FLT1: variants seen among roughly 807,000 people sequenced by gnomAD.
FLT1 encodes the protein fms related receptor tyrosine kinase 1.
In FLT1, 49 loss-of-function variants were observed where a neutral mutation model predicts 156.3. The ratio of observed to expected loss-of-function variants is 0.31; its 90% confidence interval spans 0.25 to 0.40. The LOEUF is 0.40. Ranked by LOEUF, FLT1 falls within the 10% of genes least tolerant of loss-of-function variation. FLT1 has a pLI of 1.00. For synonymous variants in FLT1, 594 were observed against 583.8 expected, an observed-to-expected ratio of 1.02 and a Z score of -0.25; for missense variants, 1,322 against 1,637.2, an observed-to-expected ratio of 0.81 and a Z score of 3.32.
At chr13:28,353,598 T>TTA (rs1289912400) in intron 15 of FLT1, among the ~76,000 whole-genome samples, 1 of 152,060 alleles carries the variant, frequency 6.6e-6, no homozygotes, top group African/African-American at 2.4e-5. Flanking sequence ...AAGAATGTTT[T>TTA]TATATATATT....
chr13:28,329,534 G>C, intron 19 of FLT1, 81 bp downstream of exon 19: 2 of 997,626 alleles, frequency 2.0e-6, no homozygotes, highest in Non-Finnish European at 3.2e-6. Context: ...ACAGTGCGGG[G>C]GAGAAGGAGC....
intron 20 of FLT1, among the ~76,000 whole-genome samples, chr13:28,324,614 T>C (rs558851581): frequency 6.6e-6 from 1 of 152,376 alleles, no homozygotes; most frequent in South Asian, 2.1e-4. Flanking sequence ...GTTTCCACAA[T>C]GCAGTTATAT....
At chr13:28,311,768 T>C (rs1871014166) in intron 26 of FLT1, 36 bp from the exon 27 acceptor site, 1 of 1,610,934 alleles carries the variant, frequency 6.2e-7, no homozygotes, top group South Asian at 1.1e-5. Context: ...GTTGCACCAA[T>C]TCTGACTTCA....
At chr13:28,395,510 G>C (rs1333710341) in intron 12 of FLT1, among the ~76,000 whole-genome samples, 1 of 152,176 alleles carries the variant, frequency 6.6e-6, no homozygotes, top group Non-Finnish European at 1.5e-5. Flanking sequence ...AACTGAAGCA[G>C]TGTAATATTT....
chr13:28,473,804 AAG>A (rs757606878), intron 1 of FLT1, among the ~76,000 whole-genome samples: 14 of 133,866 alleles, frequency 1.0e-4, no homozygotes, highest in Admixed American at 3.8e-4. Context: ...GAAAGAAAGA[AAG>A]AAAGAAAGAA....
intron 9 of FLT1, among the ~76,000 whole-genome samples, 158 bp downstream of exon 9, chr13:28,427,594 C>T (rs965727957): frequency 2.6e-5 from 4 of 152,022 alleles, no homozygotes; most frequent in African/African-American, 7.2e-5. Context: ...CAAACAAACA[C>T]GAGATTGTTA....
At chr13:28,387,863 A>C in intron 13 of FLT1, 1 of 1,059,372 alleles carries the variant, frequency 9.4e-7, no homozygotes, top group African/African-American at 1.6e-5. Flanking sequence ...AACAACTAAT[A>C]CTCTATGGAA....
At chr13:28,385,829 C>A in intron 13 of FLT1, 1 of 1,051,254 alleles carries the variant, frequency 9.5e-7, no homozygotes, top group Non-Finnish European at 1.1e-6. Context: ...ATAAGAACAG[C>A]AGTACCCCCA....
chr13:28,377,730 A>G (rs1873898555), intron 14 of FLT1, among the ~76,000 whole-genome samples: 1 of 152,202 alleles, frequency 6.6e-6, no homozygotes, highest in Non-Finnish European at 1.5e-5. Context: ...GACCTTTACA[A>G]CTTAAAAGTA....
intron 14 of FLT1, among the ~76,000 whole-genome samples, chr13:28,382,870 G>C (rs1293434059): frequency 6.6e-6 from 1 of 152,068 alleles, no homozygotes; most frequent in Non-Finnish European, 1.5e-5. Context: ...TGAGTGTAAG[G>C]TCTCTCTAAG....
chr13:28,364,010 G>T (rs1348611603), intron 14 of FLT1, among the ~76,000 whole-genome samples: 4 of 151,978 alleles, frequency 2.6e-5, no homozygotes, highest in African/African-American at 9.7e-5. Flanking sequence ...TATTTTTATT[G>T]GCCATTCAGG....
intron 14 of FLT1, among the ~76,000 whole-genome samples, chr13:28,361,473 A>G (rs1379800297): frequency 6.6e-6 from 1 of 152,108 alleles, no homozygotes; most frequent in Non-Finnish European, 1.5e-5. Context: ...TACACTATCA[A>G]GCAGAAGAAA....
rs1314448516 is a variant in FLT1 at position 28,372,579 on chromosome 13, T to C, written c.2116+12306A>G. On this transcript the variant is annotated intron_variant, in intron 14 of 29. Transcript: ENST00000282397. ...TTTAAATAAAATGTATATATATATA[T>C]ATATATATATATATATATATATAGC... 2.0e-4 allele frequency among the ~76,000 whole-genome samples: 24 copies of C among 122,072 alleles called. 2 individuals are homozygous for C. Among genetic ancestry groups the C allele is most frequent in the Non-Finnish European group, 3.3e-4 (19 of 58,040 alleles). 80.1% of individuals were successfully genotyped at this position (122,072 alleles called of 152,430 possible). A position where few individuals can be genotyped will look rare whatever the true frequency, so the allele number is the denominator to read the frequency against.
chr13:28,336,875 G>A (rs1872138081), intron 17 of FLT1, among the ~76,000 whole-genome samples: 1 of 151,346 alleles, frequency 6.6e-6, no homozygotes, highest in African/African-American at 2.4e-5. Context: ...AGCCTCCTGA[G>A]TAGCTGGGAC....
At chr13:28,358,492 A>G (rs899539120) in intron 14 of FLT1, among the ~76,000 whole-genome samples, 7 of 152,228 alleles carry the variant, frequency 4.6e-5, no homozygotes, top group African/African-American at 7.2e-5. Context: ...AAGGATTACT[A>G]CAGAGCACAG....
At chr13:28,400,054 C>T (rs1003323751) in intron 11 of FLT1, among the ~76,000 whole-genome samples, 1 of 152,188 alleles carries the variant, frequency 6.6e-6, no homozygotes, top group Non-Finnish European at 1.5e-5. Context: ...AGAATTTATG[C>T]TCAGGTGTGT....
intron 25 of FLT1, 74 bp downstream of exon 25, chr13:28,317,424 A>G: frequency 1.1e-6 from 1 of 951,530 alleles, no homozygotes; most frequent in Non-Finnish European, 1.7e-6. Context: ...AGAATCCATA[A>G]AACATCCCCT....
At chr13:28,494,171 G>A in intron 1 of FLT1, among the ~76,000 whole-genome samples, 1 of 152,196 alleles carries the variant, frequency 6.6e-6, no homozygotes, top group East Asian at 1.9e-4. Context: ...GGACTCAAGC[G>A]GGTCATGGGA....
intron 11 of FLT1, 57 bp from the exon 12 acceptor site, chr13:28,397,125 C>A: frequency 2.1e-6 from 2 of 961,850 alleles, no homozygotes; most frequent in East Asian, 2.4e-5. Context: ...ATTGAACACC[C>A]CAAGCTACTT....
Sources: allele counts gnomAD v4.1 joint callset (sites outside exome capture counted in the v4.1 genomes callset), GRCh38; gene constraint gnomAD v4.1.1; transcripts MANE v1.5; gene names NCBI Gene and HGNC (gene_info 2026-07-23, HGNC 2026-07-21).